Variants in RBM48 observed in about 807,000 individuals in gnomAD.
RBM48 encodes RNA binding motif protein 48.
RBM48 carries 32 observed loss-of-function variants against 34.8 expected under a neutral mutation model. That is an observed-to-expected ratio of 0.92 (90% CI 0.69 to 1.23). RBM48 has a LOEUF of 1.23. Among genes scored for constraint, RBM48 ranks in the 50% most tolerant of loss-of-function variants. The pLI, the probability that RBM48 is intolerant of heterozygous loss-of-function variation, is 0.00. For synonymous variants in RBM48, 151 were observed against 156.2 expected (o/e 0.97, Z 0.25); for missense variants, 441 against 447.2 (o/e 0.99, Z 0.12).
chr7:92,536,230 G>A, intron 4 of RBM48: 6 of 984,722 alleles, frequency 6.1e-6, no homozygotes, highest in Non-Finnish European at 7.2e-6. Context: ...CTCAACCAGA[G>A]CTGATTACAT....
intron 3 of RBM48, chr7:92,534,094 A>T: frequency 3.3e-6 from 1 of 301,112 alleles, no homozygotes; most frequent in South Asian, 3.5e-5. Context: ...GTGGGGAGAA[A>T]ATGGGAGGAA....
chr7:92,530,409 T>C (rs112179637), intron 2 of RBM48, among the ~76,000 whole-genome samples: 18,381 of 151,018 alleles, frequency 0.12, 1,158 homozygotes, highest in African/African-American at 0.14. Flanking sequence ...GCATGGGAAT[T>C]GCTTGAACCT....
chr7:92,534,220 T>C, intron 3 of RBM48, 182 bp from the exon 4 acceptor site: 1 of 872,218 alleles, frequency 1.1e-6, no homozygotes. Flanking sequence ...ATGCTATATA[T>C]CTTTTTATCC....
In RBM48 at chr7:92,534,512, T is replaced by C; in HGVS notation, c.559T>C (p.Ser187Pro). 1 of 1,614,140 alleles carries C rather than the reference T, an allele frequency of 6.2e-7. No individual in the cohort carries two copies. Among genetic ancestry groups the C allele is most frequent in the East Asian group, 2.2e-5 (1 of 44,882 alleles). The stretch of plus-strand genomic sequence containing the variant: ...ATTTTGTAAAGCTGCTTTGAACACT[T>C]CTGCAGGGAACTCAAATCCTTATCT... The part of the protein sequence containing the change: ...SGFCKAALNT[S>P]AGNSNPYLPY... Residue 187 changes from serine to proline, a missense_variant, in exon 4 of 5, where the codon TCT becomes CCT. Transcript: ENST00000265732.
At chr7:92,536,804 G>T (rs374897383) in intron 4 of RBM48, 47 bp from the exon 5 acceptor site, 15 of 1,525,932 alleles carry the variant, frequency 9.8e-6, no homozygotes, top group East Asian at 7.1e-5. Context: ...ATTTACTCCT[G>T]TGCTATAGAA....
At chr7:92,532,093 A>G (rs1793589269) in intron 2 of RBM48, among the ~76,000 whole-genome samples, 1 of 152,242 alleles carries the variant, frequency 6.6e-6, no homozygotes, top group Admixed American at 6.5e-5. Context: ...CTTCAGGGCC[A>G]CAGAGAAAAG....
At chr7:92,535,649 C>T (rs1793693222) in intron 4 of RBM48, 1 of 984,082 alleles carries the variant, frequency 1.0e-6, no homozygotes. Flanking sequence ...AGGGTTATGA[C>T]ATTCTCTTAT....
At position 92,534,092 on chromosome 7, in the gene RBM48, A is replaced by G. The variant is rs138567764; in HGVS notation, c.449-310A>G. ...TTACAGGTTATCTTAAAGTGGGGAG[A>G]AAATGGGAGGAAGGAGGTGGCAAAG... On this transcript the variant is annotated intron_variant, in intron 3 of 4. Transcript: ENST00000265732. The G allele has an allele frequency of 2.2e-4, 65 of 296,452 alleles. No homozygotes were observed. In the East Asian group the frequency reaches 5.8e-3, roughly 26 times the overall value. The allele number at this position is 296,452 out of a possible 1,614,324, so 18.4% of individuals were successfully genotyped here. A position where few individuals can be genotyped will look rare whatever the true frequency, so the allele number is the denominator to read the frequency against.
Position 92,534,618 on chromosome 7 carries a change from C to G in RBM48, c.665C>G (p.Pro222Arg), listed in dbSNP as rs1405939209. ...CSSGGPVDRA[P>R]DSSKDGRNHH... ...TCCGGGGGACCTGTAGACAGAGCAC[C>G]AGACTCCTCTAAGGATGGTAGAAAC... Residue 222 changes from proline to arginine, a missense_variant, in exon 4 of 5, where the codon CCA becomes CGA. By Grantham distance (103) the Pro-to-Arg change is moderately radical. Transcript: ENST00000265732. 1 of 1,614,132 alleles carries G rather than the reference C, an allele frequency of 6.2e-7. No homozygotes were observed. Among genetic ancestry groups the G allele is most frequent in the Admixed American group, 1.7e-5 (1 of 60,016 alleles).
rs1793750439 is a variant in RBM48, at chr7:92,537,499, A to G, written c.*562A>G. Reference sequence around the variant, plus strand: ...TGGAAACTTTACAATAGAAATAAAGATAGGCAGCCAGCGTCTGTTTCCAAT... The same window carrying G: ...TGGAAACTTTACAATAGAAATAAAGGTAGGCAGCCAGCGTCTGTTTCCAAT... On this transcript the variant is annotated 3_prime_UTR_variant, in exon 5 of 5. Transcript: ENST00000265732. 1 of 152,258 alleles carries G rather than the reference A, an allele frequency of 6.6e-6. No homozygotes were observed. Among genetic ancestry groups the G allele is most frequent in the Non-Finnish European group, 1.5e-5 (1 of 68,042 alleles). The allele number at this position is 152,258 out of a possible 1,614,324, so 9.4% of individuals were successfully genotyped here. A position where few individuals can be genotyped will look rare whatever the true frequency, so the allele number is the denominator to read the frequency against.
At chr7:92,535,521 T>A (rs1464357454) in intron 4 of RBM48, 1 of 985,064 alleles carries the variant, frequency 1.0e-6, no homozygotes, top group Non-Finnish European at 1.2e-6. Context: ...TTTTTTTTTT[T>A]AATGTCATTT....
chr7:92,529,707 TC>T (rs1793499586), intron 2 of RBM48, 41 bp downstream of exon 2: 1 of 1,305,508 alleles, frequency 7.7e-7, no homozygotes, highest in African/African-American at 1.5e-5. Context: ...CCTCATTTCT[TC>T]CATTCATATT....
At chr7:92,530,383 T>C (rs953951892) in intron 2 of RBM48, among the ~76,000 whole-genome samples, 2 of 151,808 alleles carry the variant, frequency 1.3e-5, no homozygotes, top group Non-Finnish European at 2.9e-5. Context: ...TAGTCCCAGC[T>C]ACTCAGGTGG....
chr7:92,539,900 A>G lies in RBM48; in HGVS notation c.*2963A>G, dbSNP rs1032761542. ...TTTTAAAAACATTGACAGCAATTGTATTGAAAGAGATCAAGTGTTCTAGCA... is the reference window on the plus strand; with the variant it reads ...TTTTAAAAACATTGACAGCAATTGTGTTGAAAGAGATCAAGTGTTCTAGCA... On this transcript the variant is annotated 3_prime_UTR_variant, in exon 5 of 5. Coordinates refer to ENST00000265732, the MANE Select transcript of RBM48 (RefSeq NM_032120.4). 1.3e-5 allele frequency among the ~76,000 whole-genome samples: 2 copies of G among 152,232 alleles called. No individual in the cohort carries two copies. Among genetic ancestry groups the G allele is most frequent in the African/African-American group, 4.8e-5 (2 of 41,464 alleles).
At chr7:92,534,266 C>T (rs1299391662) in intron 3 of RBM48, 136 bp from the exon 4 acceptor site, 6 of 1,297,164 alleles carry the variant, frequency 4.6e-6, no homozygotes, top group Non-Finnish European at 6.4e-6. Flanking sequence ...ATATACCCTT[C>T]TCAAGAAATG....
intron 3 of RBM48, 121 bp downstream of exon 3, chr7:92,532,670 G>C (rs1157660994): frequency 1.5e-6 from 1 of 687,424 alleles, no homozygotes; most frequent in African/African-American, 1.8e-5. Flanking sequence ...TTCAGTAACT[G>C]TGAACCACAG....
intron 1 of RBM48, 72 bp downstream of exon 1, chr7:92,528,996 A>G: frequency 1.8e-6 from 2 of 1,127,980 alleles, no homozygotes; most frequent in Non-Finnish European, 2.6e-6. Flanking sequence ...TGACCAGCCT[A>G]CGGAAATAAA....
chr7:92,532,601 G>A (rs781348758), intron 3 of RBM48, 52 bp downstream of exon 3: 2 of 1,355,742 alleles, frequency 1.5e-6, no homozygotes, highest in Admixed American at 2.0e-5. Context: ...ACTCTGCCAG[G>A]TGTGTCATCA....
chr7:92,535,012 T>C, intron 4 of RBM48, 42 bp downstream of exon 4: 2 of 1,602,846 alleles, frequency 1.2e-6, no homozygotes, highest in Admixed American at 1.7e-5. Flanking sequence ...CACGATTTGG[T>C]TATAGGATTA....
Sources: gnomAD v4.1 joint callset for allele counts (sites outside exome capture counted in the v4.1 genomes callset) on GRCh38, gnomAD v4.1.1 for gene constraint, MANE v1.5 for transcripts, NCBI Gene and HGNC (gene_info 2026-07-23, HGNC 2026-07-21) for gene names.